ASCC3: variants seen among roughly 807,000 people sequenced by gnomAD.
ASCC3 encodes the protein activating signal cointegrator 1 complex subunit 3.
A neutral mutation model predicts 256.3 loss-of-function variants in ASCC3; 158 were observed. The observed-to-expected ratio is 0.62, with a 90% CI of 0.54 to 0.70. The LOEUF is 0.70. Among genes scored for constraint, ASCC3 ranks in the 30% least tolerant of loss-of-function variants. ASCC3 has a pLI of 0.00. For synonymous variants in ASCC3, 948 were observed against 883.4 expected, an observed-to-expected ratio of 1.07 and a Z score of -1.30; for missense variants, 2,259 against 2,626.0, an observed-to-expected ratio of 0.86 and a Z score of 3.05.
chr6:100,666,224 A>C (rs1279865736), intron 14 of ASCC3, among the ~76,000 whole-genome samples: 3 of 152,178 alleles, frequency 2.0e-5, no homozygotes. Context: ...CGGACCTCTC[A>C]CTGAAGGACA....
intron 36 of ASCC3, among the ~76,000 whole-genome samples, chr6:100,549,736 T>A (rs1309707967): frequency 1.3e-5 from 2 of 151,924 alleles, no homozygotes; most frequent in Non-Finnish European, 2.9e-5. Context: ...AAAAAAATTT[T>A]CCTTCAAGGA....
chr6:100,774,813 C>T (rs6902414), intron 8 of ASCC3, among the ~76,000 whole-genome samples: 143,092 of 152,198 alleles, frequency 0.94, 67,581 homozygotes, highest in South Asian at 0.99. Flanking sequence ...CCTAGTTTGT[C>T]GTTTAAAGGA....
At chr6:100,628,085 CAAAAACAAAAAA>C (rs945307287) in intron 27 of ASCC3, 98 bp from the exon 28 acceptor site, 137 of 1,004,330 alleles carry the variant, frequency 1.4e-4, no homozygotes, top group African/African-American at 4.6e-4. Context: ...CCTCAAAAAA[CAAAAACAAAAAA>C]AAAAACAAAA....
chr6:100,580,785 A>G (rs1398860884), intron 36 of ASCC3, among the ~76,000 whole-genome samples: 1 of 127,236 alleles, frequency 7.9e-6, no homozygotes, highest in African/African-American at 3.0e-5. Flanking sequence ...TCCTGTGTCC[A>G]TGTGTTCTCA....
At chr6:100,560,909 T>C (rs1189542371) in intron 36 of ASCC3, among the ~76,000 whole-genome samples, 2 of 151,912 alleles carry the variant, frequency 1.3e-5, no homozygotes, top group Admixed American at 1.3e-4. Context: ...GTTGAGGGGG[T>C]ATAAAGTACA....
rs190660245 is a variant in ASCC3 at position 100,845,504 on chromosome 6, T to G, written c.801+2644A>C. The stretch of plus-strand genomic sequence containing the variant: ...AGAGGAGGAGAAATGCCTCAGAGTG[T>G]AACCTTTTCAGTTCTTAGGGCTTCT... On this transcript the variant is annotated intron_variant, in intron 4 of 41. Coordinates refer to ENST00000369162, the MANE Select transcript of ASCC3 (RefSeq NM_006828.4). 3.5e-4 allele frequency among the ~76,000 whole-genome samples: 53 copies of G among 152,256 alleles called. 1 individual carries two copies. Among genetic ancestry groups the G allele is most frequent in the Non-Finnish European group, 6.3e-4 (43 of 67,988 alleles).
At chr6:100,561,914 GAGATTAC>G (rs1247975964) in intron 36 of ASCC3, among the ~76,000 whole-genome samples, 1 of 152,088 alleles carries the variant, frequency 6.6e-6, no homozygotes, top group Non-Finnish European at 1.5e-5. Context: ...CTTGAAAACT[GAGATTAC>G]AGTGCTTCTG....
At chr6:100,625,107 A>G in intron 30 of ASCC3, 85 bp downstream of exon 30, 1 of 1,515,002 alleles carries the variant, frequency 6.6e-7, no homozygotes, top group East Asian at 2.3e-5. Context: ...TTCTTTCCCT[A>G]TAATACAATT....
intron 11 of ASCC3, among the ~76,000 whole-genome samples, chr6:100,720,028 A>G (rs1779253485): frequency 6.6e-6 from 1 of 151,992 alleles, no homozygotes; most frequent in African/African-American, 2.4e-5. Context: ...ATAGCTTTGG[A>G]AGGCACTTCT....
chr6:100,633,089 T>C (rs575592008), intron 25 of ASCC3, among the ~76,000 whole-genome samples: 3 of 152,344 alleles, frequency 2.0e-5, no homozygotes, highest in Admixed American at 1.3e-4. Flanking sequence ...TCTGTCTTAA[T>C]GCCTTCCCTT....
intron 36 of ASCC3, among the ~76,000 whole-genome samples, chr6:100,584,128 T>C (rs577914068): frequency 1.7e-3 from 258 of 151,424 alleles, no homozygotes; most frequent in Non-Finnish European, 2.9e-3. Context: ...CTGAGTTCAA[T>C]TCCTGGGTAT....
At chr6:100,692,047 A>T (rs1169926813) in intron 13 of ASCC3, among the ~76,000 whole-genome samples, 2 of 152,106 alleles carry the variant, frequency 1.3e-5, no homozygotes, top group African/African-American at 2.4e-5. Context: ...GTTTTACAGA[A>T]GTTTTTCTAA....
Position 100,803,887 on chromosome 6 carries a change from T to C in ASCC3, c.922+1873A>G, listed in dbSNP as rs190970083. On this transcript the variant is annotated intron_variant, in intron 5 of 41. Transcript: ENST00000369162. The stretch of plus-strand genomic sequence containing the variant: ...TAGATGTTGAATAGTTTGAAGACAG[T>C]TGCCAAATTTCTTACGCTCATATAC... 1.3e-3 allele frequency among the ~76,000 whole-genome samples: 198 copies of C among 152,250 alleles called. 1 individual carries two copies. Among genetic ancestry groups the C allele is most frequent in the Non-Finnish European group, 1.8e-3 (122 of 68,010 alleles).
At chr6:100,681,641 C>T (rs1777306760) in intron 13 of ASCC3, among the ~76,000 whole-genome samples, 1 of 136,332 alleles carries the variant, frequency 7.3e-6, no homozygotes, top group African/African-American at 2.7e-5. Context: ...GCAGGAGAAT[C>T]GCTTGAACCT....
chr6:100,689,491 T>G (rs969711013), intron 13 of ASCC3, among the ~76,000 whole-genome samples: 1 of 152,198 alleles, frequency 6.6e-6, no homozygotes, highest in Non-Finnish European at 1.5e-5. Context: ...GAATGCTGCC[T>G]GAGGGCAGAG....
intron 13 of ASCC3, among the ~76,000 whole-genome samples, chr6:100,701,385 T>C (rs1778344317): frequency 6.6e-6 from 1 of 152,072 alleles, no homozygotes; most frequent in Non-Finnish European, 1.5e-5. Context: ...CCACCATCCA[T>C]GTAAGATGTG....
intron 25 of ASCC3, among the ~76,000 whole-genome samples, chr6:100,631,469 T>G (rs1481169027): frequency 6.6e-6 from 1 of 151,952 alleles, no homozygotes; most frequent in Non-Finnish European, 1.5e-5. Context: ...GAATTTAAAT[T>G]ACTTTTAAAA....
At chr6:100,564,022 C>T (rs1009308125) in intron 36 of ASCC3, among the ~76,000 whole-genome samples, 4 of 151,742 alleles carry the variant, frequency 2.6e-5, no homozygotes, top group South Asian at 2.1e-4. Context: ...GCCTGTTTGA[C>T]GCCAAAGCCC....
intron 36 of ASCC3, among the ~76,000 whole-genome samples, chr6:100,585,151 C>A (rs992163520): frequency 6.6e-6 from 1 of 152,144 alleles, no homozygotes; most frequent in African/African-American, 2.4e-5. Flanking sequence ...GGGAAGTTCT[C>A]CTGGATAATA....
Sources: gnomAD v4.1 joint callset for allele counts (sites outside exome capture counted in the v4.1 genomes callset) on GRCh38, gnomAD v4.1.1 for gene constraint, MANE v1.5 for transcripts, NCBI Gene and HGNC (gene_info 2026-07-23, HGNC 2026-07-21) for gene names.